Variants in ADAMTS17 observed in about 807,000 individuals in gnomAD.
The protein encoded by ADAMTS17 is A disintegrin and metalloproteinase with thrombospondin motifs 17.
In ADAMTS17, 113 loss-of-function variants were observed where a neutral mutation model predicts 141.5. The observed-to-expected ratio is 0.80, with a 90% CI of 0.69 to 0.93. The LOEUF (loss-of-function observed/expected upper bound fraction) is 0.93. Among genes scored for constraint, ADAMTS17 ranks in the 40% least tolerant of loss-of-function variants. The pLI is 0.00. For missense variants in ADAMTS17, 1,659 were observed against 1,517.9 expected (o/e 1.09, Z -1.54); for synonymous variants, 768 against 630.6 (o/e 1.22, Z -3.27).
chr15:100,258,047 A>G (rs144302316), intron 6 of ADAMTS17, among the ~76,000 whole-genome samples: 82 of 152,266 alleles, frequency 5.4e-4, no homozygotes, highest in Admixed American at 9.2e-4. Flanking sequence ...GCGTGTCACA[A>G]TCTCCTTCCT....
At chr15:100,094,596 TTGGCGATGGGAGTGGGCC>T (rs1003473939) in intron 15 of ADAMTS17, among the ~76,000 whole-genome samples, 1 of 152,200 alleles carries the variant, frequency 6.6e-6, no homozygotes, top group Non-Finnish European at 1.5e-5. Context: ...TTGCCCAGGG[TTGGCGATGGGAGTGGGCC>T]TGGCTGTACC....
intron 18 of ADAMTS17, among the ~76,000 whole-genome samples, chr15:100,025,288 C>T (rs1040588137): frequency 1.3e-5 from 2 of 152,070 alleles, no homozygotes; most frequent in African/African-American, 4.8e-5. Context: ...ACTGTTTTTG[C>T]TTCCCTGGAA....
At chr15:100,283,843 C>T (rs1053811652) in intron 3 of ADAMTS17, among the ~76,000 whole-genome samples, 2 of 152,160 alleles carry the variant, frequency 1.3e-5, no homozygotes, top group African/African-American at 2.4e-5. Context: ...CAGTGGCTCA[C>T]GCCTGTAATC....
chr15:99,988,108 G>C (rs1454909279), intron 20 of ADAMTS17, among the ~76,000 whole-genome samples: 2 of 152,072 alleles, frequency 1.3e-5, no homozygotes, highest in Admixed American at 6.5e-5. Context: ...GCACACAATG[G>C]GATGCCATCT....
intron 15 of ADAMTS17, chr15:100,063,676 T>C (rs1346255165): frequency 7.8e-7 from 1 of 1,289,778 alleles, no homozygotes; most frequent in Non-Finnish European, 1.0e-6. Flanking sequence ...ATTTGTGTTT[T>C]ACCCAGAAAG....
At chr15:100,010,353 T>C (rs2141398468) in intron 18 of ADAMTS17, among the ~76,000 whole-genome samples, 1 of 152,282 alleles carries the variant, frequency 6.6e-6, no homozygotes. Context: ...CATGGGGAAA[T>C]CAGGAGGTGC....
intron 20 of ADAMTS17, among the ~76,000 whole-genome samples, chr15:99,992,138 G>A (rs916947862): frequency 1.3e-5 from 2 of 151,992 alleles, no homozygotes; most frequent in Non-Finnish European, 2.9e-5. Flanking sequence ...ATGTATACCT[G>A]TGTAACAAAC....
chr15:100,137,424 T>C (rs1163941059), intron 10 of ADAMTS17, among the ~76,000 whole-genome samples: 1 of 152,170 alleles, frequency 6.6e-6, no homozygotes, highest in African/African-American at 2.4e-5. Context: ...GGTAAAATGT[T>C]AAGCACAAAG....
chr15:100,192,909 G>A (rs987281739), intron 8 of ADAMTS17, among the ~76,000 whole-genome samples: 3 of 148,484 alleles, frequency 2.0e-5, no homozygotes, highest in Non-Finnish European at 3.0e-5. Flanking sequence ...TCCACCCACT[G>A]CCCATGGGCC....
chr15:100,135,354 G>A (rs945124771), intron 10 of ADAMTS17, among the ~76,000 whole-genome samples: 1 of 151,652 alleles, frequency 6.6e-6, no homozygotes, highest in African/African-American at 2.4e-5. Context: ...CGTGATCTCG[G>A]CTCACTGCAA....
At chr15:100,259,521 G>A (rs4965294) in intron 6 of ADAMTS17, among the ~76,000 whole-genome samples, 53,516 of 152,110 alleles carry the variant, frequency 0.35, 10,292 homozygotes, top group African/African-American at 0.51. Flanking sequence ...CAAAAGCATG[G>A]GCCAGGTCAT....
At chr15:100,304,964 T>C (rs1373415806) in intron 3 of ADAMTS17, among the ~76,000 whole-genome samples, 1 of 152,212 alleles carries the variant, frequency 6.6e-6, no homozygotes, top group African/African-American at 2.4e-5. Flanking sequence ...CTTAGTAACA[T>C]TTTCTTTTCT....
At chr15:100,044,980 G>A (rs1264450710) in intron 18 of ADAMTS17, among the ~76,000 whole-genome samples, 1 of 151,908 alleles carries the variant, frequency 6.6e-6, no homozygotes, top group African/African-American at 2.4e-5. Context: ...GCTAATTTTT[G>A]TATTTTTAGT....
At chr15:100,143,829 T>C (rs2038771778) in intron 10 of ADAMTS17, among the ~76,000 whole-genome samples, 1 of 152,254 alleles carries the variant, frequency 6.6e-6, no homozygotes, top group Non-Finnish European at 1.5e-5. Context: ...ATTGCAGAAA[T>C]GCTCTTCCAA....
intron 15 of ADAMTS17, among the ~76,000 whole-genome samples, chr15:100,056,081 T>G (rs1390513114): frequency 6.6e-6 from 1 of 152,234 alleles, no homozygotes; most frequent in Non-Finnish European, 1.5e-5. Flanking sequence ...AATTCTACGC[T>G]CTGTTACAGG....
At chr15:100,246,876 TTTA>T (rs1013225115) in intron 7 of ADAMTS17, among the ~76,000 whole-genome samples, 10 of 129,838 alleles carry the variant, frequency 7.7e-5, no homozygotes, top group African/African-American at 3.9e-4. Flanking sequence ...TTTTTATTTA[TTTA>T]TTTATTTATT....
intron 3 of ADAMTS17, among the ~76,000 whole-genome samples, chr15:100,298,433 G>A (rs965213070): frequency 1.2e-4 from 18 of 152,072 alleles, no homozygotes; most frequent in Admixed American, 1.0e-3. Context: ...TCGACCCTGC[G>A]CTGGGTGCTC....
intron 8 of ADAMTS17, among the ~76,000 whole-genome samples, chr15:100,162,573 T>C (rs1408628524): frequency 0.32 from 59 of 186 alleles, 7 homozygotes; most frequent in African/African-American, 0.49. Flanking sequence ...ATTATATGTG[T>C]ATATATATGC....
chr15:100,263,408 T>G (rs766502106), intron 4 of ADAMTS17, among the ~76,000 whole-genome samples: 90 of 152,346 alleles, frequency 5.9e-4, no homozygotes, highest in Admixed American at 1.5e-3. Flanking sequence ...AGTCCCATTG[T>G]AACCAAAGTT....
Sources: gnomAD v4.1 joint callset for allele counts (sites outside exome capture counted in the v4.1 genomes callset) on GRCh38, gnomAD v4.1.1 for gene constraint, MANE v1.5 for transcripts, NCBI Gene and HGNC (gene_info 2026-07-23, HGNC 2026-07-21) for gene names.